JAG1: variants seen among roughly 807,000 people sequenced by gnomAD.
The protein encoded by JAG1 is protein jagged-1.
In JAG1, 23 loss-of-function variants were observed where a neutral mutation model predicts 148.7. The ratio of observed to expected loss-of-function variants is 0.15; its 90% CI spans 0.11 to 0.22. JAG1 has a LOEUF of 0.22. Among genes scored for constraint, JAG1 ranks in the 10% least tolerant of loss-of-function variants. JAG1 has a pLI of 1.00. For missense variants in JAG1, 1,054 were observed against 1,611.2 expected, an observed-to-expected ratio of 0.65 and a Z score of 5.92; for synonymous variants, 572 against 598.3, an observed-to-expected ratio of 0.96 and a Z score of 0.64.
intron 5 of JAG1, among the ~76,000 whole-genome samples, chr20:10,653,151 G>T (rs960426043): frequency 1.3e-5 from 2 of 151,688 alleles, no homozygotes; most frequent in African/African-American, 4.8e-5. Context: ...CAAAGCCAGA[G>T]TAGGCTCTCT....
At chr20:10,664,574 A>G (rs752880491) in intron 2 of JAG1, among the ~76,000 whole-genome samples, 2 of 152,166 alleles carry the variant, frequency 1.3e-5, no homozygotes, top group African/African-American at 2.4e-5. Flanking sequence ...GGCTCCCACA[A>G]GTATCGGGTA....
intron 2 of JAG1, among the ~76,000 whole-genome samples, chr20:10,665,700 TA>T (rs2067449271): frequency 6.6e-6 from 1 of 152,100 alleles, no homozygotes; most frequent in Admixed American, 6.5e-5. Flanking sequence ...ACTTCAACAG[TA>T]TTGTTGTAAT....
chr20:10,657,054 A>T (rs923316745), intron 4 of JAG1, among the ~76,000 whole-genome samples: 4 of 152,034 alleles, frequency 2.6e-5, no homozygotes, highest in African/African-American at 9.7e-5. Flanking sequence ...AAAAGAAAAA[A>T]GTAACTTCTA....
intron 3 of JAG1, chr20:10,662,212 C>A (rs977303799): frequency 2.0e-5 from 3 of 152,190 alleles, no homozygotes; most frequent in African/African-American, 7.2e-5. Context: ...CTCAGTCTTT[C>A]TTGTCCTCTT....
At chr20:10,654,892 G>A (rs1315588362) in intron 5 of JAG1, among the ~76,000 whole-genome samples, 1 of 152,116 alleles carries the variant, frequency 6.6e-6, no homozygotes, top group East Asian at 1.9e-4. Flanking sequence ...AATCACAGTC[G>A]GCCTCCGCTG....
At chr20:10,646,148 T>C in intron 14 of JAG1, 64 bp from the exon 15 acceptor site, 1 of 1,185,530 alleles carries the variant, frequency 8.4e-7, no homozygotes, top group Non-Finnish European at 1.3e-6. Context: ...CAAGCACTGT[T>C]CAGCAGTTTT....
intron 5 of JAG1, 75 bp downstream of exon 5, chr20:10,656,323 A>G (rs1171782707): frequency 1.7e-6 from 2 of 1,185,044 alleles, no homozygotes; most frequent in Non-Finnish European, 2.5e-6. Flanking sequence ...AAAGAGGCAT[A>G]GTCACAATAA....
chr20:10,663,349 T>TC (rs2067430224), intron 3 of JAG1, among the ~76,000 whole-genome samples: 1 of 152,230 alleles, frequency 6.6e-6, no homozygotes, highest in African/African-American at 2.4e-5. Context: ...AATCACATCC[T>TC]CCATGGCTTA....
At chr20:10,648,190 G>A (rs2067322408) in intron 12 of JAG1, 80 bp from the exon 13 acceptor site, 3 of 1,540,764 alleles carry the variant, frequency 1.9e-6, no homozygotes, top group Non-Finnish European at 2.7e-6. Context: ...TGGGGCAGCA[G>A]GCACTGGAAT....
In JAG1 at chr20:10,649,552, G is replaced by A. The variant is rs1187579730; in HGVS notation, c.1318C>T (p.Pro440Ser). 19 of 1,612,698 alleles carry A rather than the reference G, an allele frequency of 1.2e-5. No individual in the cohort carries two copies. The highest frequency in any genetic ancestry group is 1.6e-5 in the Non-Finnish European group (19 of 1,178,774). ...LIASYYCDCL[P>S]GWMGQNCDIN... The stretch of plus-strand genomic sequence containing the variant: ...TCACAATTCTGACCCATCCAGCCGG[G>A]AAGACAGTCGCAGTAGTAGCTGGCA... Residue 440 changes from proline (P) to serine (S), a missense_variant, in exon 10 of 26, where the codon CCC becomes TCC. By Grantham distance (74) the Pro-to-Ser change is moderately conservative. Coordinates refer to ENST00000254958, the MANE Select transcript of JAG1 (RefSeq NM_000214.3).
chr20:10,643,641 G>A (rs1251180887), intron 20 of JAG1, 137 bp downstream of exon 20: 2 of 749,916 alleles, frequency 2.7e-6, no homozygotes, highest in Non-Finnish European at 4.7e-6. Flanking sequence ...AATCCCAGCT[G>A]GAGGAGAGAG....
intron 2 of JAG1, among the ~76,000 whole-genome samples, chr20:10,671,827 C>T (rs1316775744): frequency 1.3e-5 from 2 of 152,168 alleles, no homozygotes; most frequent in Non-Finnish European, 2.9e-5. Flanking sequence ...GCCCGGGCCT[C>T]GAGCTCCTTT....
At chr20:10,650,597 A>AC in intron 8 of JAG1, 1 of 525,864 alleles carries the variant, frequency 1.9e-6, no homozygotes, top group Non-Finnish European at 3.4e-6. Context: ...GGGGAGAAAG[A>AC]CAGCTGGATA....
chr20:10,654,995 T>C (rs2067369283), intron 5 of JAG1, among the ~76,000 whole-genome samples: 1 of 152,284 alleles, frequency 6.6e-6, no homozygotes, highest in Admixed American at 6.5e-5. Flanking sequence ...AGAGTTAAGG[T>C]AGGTGGATTC....
intron 3 of JAG1, among the ~76,000 whole-genome samples, chr20:10,661,223 G>A (rs2067414911): frequency 6.6e-6 from 1 of 152,146 alleles, no homozygotes; most frequent in Non-Finnish European, 1.5e-5. Context: ...GCCCGAGTCT[G>A]CCTGTGAGGG....
In JAG1 at chr20:10,649,174, C is replaced by T. The variant is rs1176581563; in HGVS notation, c.1349-67G>A. ...AGTGAAATTGGGCTTAATTGAAAAG[C>T]CTTCTCAGCTCAGGATAGATAAGTT... On this transcript the variant is annotated intron_variant, in intron 10 of 25. Coordinates refer to ENST00000254958, the MANE Select transcript of JAG1 (RefSeq NM_000214.3). 4.7e-6 allele frequency: 5 copies of T among 1,058,206 alleles called. No homozygotes were observed. In the Admixed American group the frequency reaches 7.0e-5, roughly 15 times the overall value. The allele number at this position is 1,058,206 out of a possible 1,614,324, so 65.6% of individuals were successfully genotyped here.
chr20:10,657,368 CCAAA>C (rs1185848384), intron 4 of JAG1, among the ~76,000 whole-genome samples: 1 of 137,328 alleles, frequency 7.3e-6, no homozygotes, highest in East Asian at 2.2e-4. Flanking sequence ...AAAAAAAACA[CCAAA>C]CAAAAAACCC....
At chr20:10,643,685 T>C in intron 20 of JAG1, 93 bp downstream of exon 20, 1 of 949,278 alleles carries the variant, frequency 1.1e-6, no homozygotes, top group South Asian at 1.4e-5. Context: ...TTAAAGGGAA[T>C]GGTGGCTTTG....
chr20:10,650,449 T>C (rs1327430631), intron 8 of JAG1, 89 bp from the exon 9 acceptor site: 1 of 779,646 alleles, frequency 1.3e-6, no homozygotes. Context: ...CATGAGGGGC[T>C]GTCATTGAAG....
Sources: allele counts gnomAD v4.1 joint callset (sites outside exome capture counted in the v4.1 genomes callset), GRCh38; gene constraint gnomAD v4.1.1; transcripts MANE v1.5; gene names NCBI Gene and HGNC (gene_info 2026-07-23, HGNC 2026-07-21).